Variants in AGBL1 observed in about 807,000 individuals in gnomAD.
AGBL1 encodes the protein AGBL carboxypeptidase 1, also known as cytosolic carboxypeptidase 4.
AGBL1 carries 130 observed loss-of-function variants against 118.9 expected under a neutral mutation model. The ratio of observed to expected loss-of-function variants is 1.09; its 90% confidence interval spans 0.95 to 1.26. AGBL1 has a LOEUF of 1.26. Among genes scored for constraint, AGBL1 ranks in the 50% most tolerant of loss-of-function variants. AGBL1 has a pLI of 0.00. For synonymous variants in AGBL1, 555 were observed against 478.9 expected, an observed-to-expected ratio of 1.16 and a Z score of -2.08; for missense variants, 1,584 against 1,298.1, an observed-to-expected ratio of 1.22 and a Z score of -3.38.
Position 86,718,001 on chromosome 15 carries a change from C to T in AGBL1, c.3158+43565C>T, listed in dbSNP as rs142104295. On this transcript the variant is annotated intron_variant, in intron 22 of 22. Coordinates refer to ENST00000614907, the MANE Select transcript of AGBL1 (RefSeq NM_001386094.1). ...GCTGAGGTAGGAGAATCACTTGAAC[C>T]TGGGAGGTGGAGGTTGCAGTAAGCC... 8.8e-3 allele frequency among the ~76,000 whole-genome samples: 1,339 copies of T among 152,260 alleles called. 18 individuals are homozygous for T. The highest frequency in any genetic ancestry group is 0.03 in the African/African-American group (1,261 of 41,558).
intron 22 of AGBL1, among the ~76,000 whole-genome samples, chr15:86,877,577 C>T (rs912938055): frequency 2.0e-5 from 3 of 152,136 alleles, no homozygotes; most frequent in African/African-American, 7.2e-5. Context: ...TGAGCCTCCC[C>T]TACAGGAAGG....
At chr15:86,423,874 A>C (rs2081828556) in intron 18 of AGBL1, among the ~76,000 whole-genome samples, 1 of 152,220 alleles carries the variant, frequency 6.6e-6, no homozygotes, top group African/African-American at 2.4e-5. Context: ...TGCTCAAGGA[A>C]ATAAGAGAGG....
chr15:86,608,801 A>C (rs1433825756), intron 21 of AGBL1, among the ~76,000 whole-genome samples: 2 of 152,198 alleles, frequency 1.3e-5, no homozygotes, highest in Admixed American at 6.6e-5. Flanking sequence ...TCTGAATTTA[A>C]TGTAAAATCT....
chr15:86,202,982 G>A (rs924808457), intron 5 of AGBL1, among the ~76,000 whole-genome samples: 3 of 152,152 alleles, frequency 2.0e-5, no homozygotes, highest in African/African-American at 7.2e-5. Context: ...TACTTGAGAG[G>A]CTGAGGCTGG....
intron 22 of AGBL1, among the ~76,000 whole-genome samples, chr15:86,903,617 T>A (rs1476972176): frequency 1.3e-5 from 2 of 152,202 alleles, no homozygotes; most frequent in African/African-American, 4.8e-5. Flanking sequence ...CTTATTTAAA[T>A]CTTCTGTTTG....
chr15:86,464,841 C>G (rs1189601068), intron 18 of AGBL1, among the ~76,000 whole-genome samples: 1 of 151,506 alleles, frequency 6.6e-6, no homozygotes, highest in African/African-American at 2.4e-5. Context: ...ATTCAGTTTG[C>G]CAGTATTTTA....
chr15:86,573,316 C>G (rs533349868), intron 21 of AGBL1, among the ~76,000 whole-genome samples: 1 of 152,166 alleles, frequency 6.6e-6, no homozygotes, highest in Non-Finnish European at 1.5e-5. Flanking sequence ...GTAGAACTGA[C>G]AACTTCCATG....
intron 17 of AGBL1, among the ~76,000 whole-genome samples, chr15:86,316,415 G>A (rs1187871643): frequency 6.6e-6 from 1 of 152,150 alleles, no homozygotes; most frequent in African/African-American, 2.4e-5. Context: ...GGGTGGACAG[G>A]AACAAGCCAT....
At chr15:86,867,140 A>G (rs558106482) in intron 22 of AGBL1, among the ~76,000 whole-genome samples, 1 of 152,164 alleles carries the variant, frequency 6.6e-6, no homozygotes, top group East Asian at 1.9e-4. Flanking sequence ...TGCTGTCAGG[A>G]CTTAAGCTTT....
intron 22 of AGBL1, among the ~76,000 whole-genome samples, chr15:86,836,320 T>A (rs908349074): frequency 6.6e-6 from 1 of 152,156 alleles, no homozygotes; most frequent in Non-Finnish European, 1.5e-5. Context: ...ACTTAAGAGT[T>A]AAGATAACAA....
intron 24 of AGBL1, among the ~76,000 whole-genome samples, chr15:86,988,829 C>T (rs1370537946): frequency 2.6e-5 from 4 of 152,130 alleles, no homozygotes; most frequent in Non-Finnish European, 5.9e-5. Flanking sequence ...GCTTCTTTTA[C>T]ATGAATATTA....
intron 24 of AGBL1, chr15:86,988,491 A>C (rs1347463028): frequency 6.5e-6 from 1 of 154,610 alleles, no homozygotes; most frequent in African/African-American, 2.4e-5. Flanking sequence ...GGTACACTGC[A>C]ATGATATTAC....
chr15:86,867,280 C>T (rs776635025), intron 22 of AGBL1, among the ~76,000 whole-genome samples: 1 of 152,112 alleles, frequency 6.6e-6, no homozygotes, highest in African/African-American at 2.4e-5. Flanking sequence ...CATAACACTT[C>T]CCTCAAAACC....
At chr15:86,091,814 T>C (rs1896047112) in intron 1 of AGBL1, among the ~76,000 whole-genome samples, 1 of 152,200 alleles carries the variant, frequency 6.6e-6, no homozygotes, top group African/African-American at 2.4e-5. Flanking sequence ...CTCATGTATC[T>C]GTACTGGACA....
In AGBL1 at chr15:86,410,824, A is replaced by ACTATTT. The variant is rs1567242746; in HGVS notation, c.2555+13278_2555+13279insCTATTT. On this transcript the variant is annotated intron_variant, in intron 18 of 22. Transcript: ENST00000614907. ...CAAATGTAGATATATATATATATAT[A>ACTATTT]TATATATATATATATATAATATACT... 1.1e-3 allele frequency among the ~76,000 whole-genome samples: 119 copies of ACTATTT among 112,984 alleles called. 8 individuals are homozygous for ACTATTT. Among genetic ancestry groups the ACTATTT allele is most frequent in the African/African-American group, 3.0e-3 (84 of 27,890 alleles). 74.1% of individuals were successfully genotyped at this position (112,984 alleles called of 152,430 possible). A position where few individuals can be genotyped will look rare whatever the true frequency, so the allele number is the denominator to read the frequency against.
At chr15:86,474,022 G>C (rs1446625564) in intron 18 of AGBL1, among the ~76,000 whole-genome samples, 1 of 152,132 alleles carries the variant, frequency 6.6e-6, no homozygotes, top group Non-Finnish European at 1.5e-5. Flanking sequence ...AAATTGCACT[G>C]TTTGGTATTT....
chr15:86,479,957 C>G (rs1023074274), intron 18 of AGBL1, among the ~76,000 whole-genome samples: 1 of 152,064 alleles, frequency 6.6e-6, no homozygotes, highest in Admixed American at 6.6e-5. Context: ...AAGCTGGAAA[C>G]CATCATTCTC....
chr15:86,956,261 A>AT, intron 23 of AGBL1, among the ~76,000 whole-genome samples: 1 of 145,928 alleles, frequency 6.9e-6, no homozygotes, highest in East Asian at 2.0e-4. Context: ...AGATAGATAG[A>AT]TTAGATAGAT....
intron 22 of AGBL1, among the ~76,000 whole-genome samples, chr15:86,816,111 G>A (rs1596509456): frequency 6.6e-6 from 1 of 152,288 alleles, no homozygotes; most frequent in Admixed American, 6.5e-5. Context: ...ACCGTAAAAA[G>A]AATGATGTCT....
Sources: allele counts gnomAD v4.1 joint callset (sites outside exome capture counted in the v4.1 genomes callset), GRCh38; gene constraint gnomAD v4.1.1; transcripts MANE v1.5; gene names NCBI Gene and HGNC (gene_info 2026-07-23, HGNC 2026-07-21).